The following ADAM12 variants were observed in gnomAD, a reference collection of about 807,000 sequenced individuals.
The protein encoded by ADAM12 is disintegrin and metalloproteinase domain-containing protein 12.
Under a neutral mutation model 106.4 loss-of-function variants are expected in ADAM12, and 70 were observed. The observed-to-expected ratio is 0.66, with a 90% CI of 0.54 to 0.80. The LOEUF (loss-of-function observed/expected upper bound fraction) is 0.80, where lower values mean the gene tolerates loss of function less well. Ranked by LOEUF, ADAM12 falls within the 30% of genes least tolerant of loss-of-function variation. The probability of loss-of-function intolerance (pLI) is 0.00; values close to 1 mark genes in which losing one functional copy is unlikely to be tolerated. For missense variants in ADAM12, 1,010 were observed against 1,171.9 expected, an observed-to-expected ratio of 0.86 and a Z score of 2.02; for synonymous variants, 420 against 433.5, an observed-to-expected ratio of 0.97 and a Z score of 0.39.
intron 3 of ADAM12, among the ~76,000 whole-genome samples, chr10:126,162,543 A>G (rs932774622): frequency 7.2e-5 from 11 of 152,142 alleles, no homozygotes; most frequent in Non-Finnish European, 1.3e-4. Flanking sequence ...AGAGCCGCCA[A>G]ACACGGAAGG....
At chr10:126,236,661 A>G (rs1482599317) in intron 3 of ADAM12, among the ~76,000 whole-genome samples, 2 of 151,636 alleles carry the variant, frequency 1.3e-5, no homozygotes, top group Admixed American at 6.6e-5. Flanking sequence ...CATAGGAAGG[A>G]GCACTCATAG....
rs138091831 is a variant in ADAM12, at chr10:126,201,077, T to G, written c.261-45772A>C. Among the ~76,000 whole-genome samples, 88 of 152,176 alleles carry G rather than the reference T, an allele frequency of 5.8e-4. No individual in the cohort carries two copies. The East Asian group carries it at 0.011, about 18-fold the overall frequency. The stretch of plus-strand genomic sequence containing the variant: ...AGCATCAGGCTAAAGTAGTCAGAAT[T>G]TCTTCCACAGGCCAAATGGTTATTG... On this transcript the variant is annotated intron_variant, in intron 3 of 22. Transcript: ENST00000448723.
chr10:126,332,782 G>A (rs150569440), intron 1 of ADAM12, among the ~76,000 whole-genome samples: 9 of 152,200 alleles, frequency 5.9e-5, no homozygotes, highest in South Asian at 4.1e-4. Context: ...TGTGAGGGAC[G>A]CATCGGCCGG....
intron 4 of ADAM12, among the ~76,000 whole-genome samples, chr10:126,152,372 A>C (rs1956743304): frequency 6.6e-6 from 1 of 152,066 alleles, no homozygotes. Context: ...TTTAAAAGTT[A>C]CATCTGGATT....
intron 1 of ADAM12, among the ~76,000 whole-genome samples, chr10:126,369,853 A>C (rs1004961136): frequency 6.6e-6 from 1 of 152,154 alleles, no homozygotes; most frequent in Non-Finnish European, 1.5e-5. Flanking sequence ...AGAATTAAGC[A>C]AGTCACTAGG....
intron 3 of ADAM12, among the ~76,000 whole-genome samples, chr10:126,194,165 A>C (rs757691219): frequency 6.6e-6 from 1 of 150,682 alleles, no homozygotes; most frequent in Non-Finnish European, 1.5e-5. Context: ...ACAGCGTGTT[A>C]TGTAAGTAAA....
chr10:126,076,083 C>T (rs1955094777), intron 11 of ADAM12, among the ~76,000 whole-genome samples: 1 of 152,186 alleles, frequency 6.6e-6, no homozygotes, highest in Admixed American at 6.5e-5. Context: ...CCCTCCCATC[C>T]TCCCCCATCT....
Position 126,038,278 on chromosome 10 carries a change from C to A in ADAM12, c.2312G>T (p.Gly771Val), listed in dbSNP as rs1339379132. 1.9e-6 allele frequency: 3 copies of A among 1,612,146 alleles called. No individual in the cohort carries two copies. Among genetic ancestry groups the A allele is most frequent in the Non-Finnish European group, 2.5e-6 (3 of 1,179,440 alleles). The stretch of plus-strand genomic sequence containing the variant: ...GGAATCTGGCGGCTTCCTCATCAGG[C>A]CTTTTCCAAGGTGGCCGAGGTGAGC... ...CQAHLGHLGK[G>V]LMRKPPDSYP... The change falls in exon 20 of 23, where the codon GGC becomes GTC. Residue 771 changes from glycine to valine, a missense_variant. By Grantham distance (109) the Gly-to-Val change is moderately radical. Coordinates refer to ENST00000448723, the MANE Select transcript of ADAM12 (RefSeq NM_001288973.2).
At chr10:126,056,343 G>A (rs1954630560) in intron 14 of ADAM12, among the ~76,000 whole-genome samples, 1 of 152,194 alleles carries the variant, frequency 6.6e-6, no homozygotes, top group Non-Finnish European at 1.5e-5. Flanking sequence ...GGCAGGCTAT[G>A]ATTTCATCAG....
rs376334126 is a variant in ADAM12 at position 126,340,557 on chromosome 10, A to C, written c.89-10048T>G. ...TCATAATCCTACTGTGTGATAAATA[A>C]ACACTCATGCTGATTAGGAAAACTT... is the stretch of plus-strand genomic sequence containing the variant. On this transcript the variant is annotated intron_variant, in intron 1 of 22. Coordinates refer to ENST00000448723, the MANE Select transcript of ADAM12 (RefSeq NM_001288973.2). Among the ~76,000 whole-genome samples the C allele has an allele frequency of 1.2e-4, 18 of 152,286 alleles. No individual in the cohort carries two copies. The East Asian group carries it at 1.9e-3, about 16-fold the overall frequency.
At chr10:126,208,670 A>G (rs543158688) in intron 3 of ADAM12, among the ~76,000 whole-genome samples, 1 of 152,318 alleles carries the variant, frequency 6.6e-6, no homozygotes, top group South Asian at 2.1e-4. Context: ...TTCAGGTAGA[A>G]GAGAATGGAA....
At chr10:126,136,579 C>T (rs770281815) in intron 4 of ADAM12, among the ~76,000 whole-genome samples, 10 of 152,200 alleles carry the variant, frequency 6.6e-5, no homozygotes, top group African/African-American at 1.4e-4. Context: ...CCTTCACACA[C>T]GACAACAGTC....
intron 4 of ADAM12, among the ~76,000 whole-genome samples, chr10:126,154,968 T>C (rs781317537): frequency 6.6e-6 from 1 of 152,190 alleles, no homozygotes; most frequent in Admixed American, 6.5e-5. Context: ...TGAGGATCCA[T>C]AGTCCTTGGA....
chr10:126,210,102 C>T (rs549784879), intron 3 of ADAM12, among the ~76,000 whole-genome samples: 1 of 152,280 alleles, frequency 6.6e-6, no homozygotes, highest in East Asian at 1.9e-4. Context: ...CCCATCTTTC[C>T]CCAACTGCCA....
intron 3 of ADAM12, among the ~76,000 whole-genome samples, chr10:126,190,990 C>T (rs4962512): frequency 0.9 from 61,036 of 67,672 alleles, 27,321 homozygotes; most frequent in Middle Eastern, 0.95. Flanking sequence ...GAGTTTTGTC[C>T]TTTTTTTTTT....
chr10:126,102,589 C>T (rs75240125), intron 8 of ADAM12, among the ~76,000 whole-genome samples: 2 of 152,210 alleles, frequency 1.3e-5, no homozygotes, highest in Non-Finnish European at 2.9e-5. Flanking sequence ...ATCTGGTGAG[C>T]ATTGGGTTAG....
chr10:126,308,955 G>A (rs909896111), intron 2 of ADAM12, among the ~76,000 whole-genome samples: 2 of 152,162 alleles, frequency 1.3e-5, no homozygotes, highest in South Asian at 4.1e-4. Context: ...TTATACAACT[G>A]AGTAGATATC....
At chr10:126,153,223 C>T (rs900973165) in intron 4 of ADAM12, among the ~76,000 whole-genome samples, 1 of 152,012 alleles carries the variant, frequency 6.6e-6, no homozygotes, top group African/African-American at 2.4e-5. Context: ...AATAATTTTC[C>T]CTTAGCTCTC....
chr10:126,339,307 G>C (rs1332276377), intron 1 of ADAM12, among the ~76,000 whole-genome samples: 1 of 152,128 alleles, frequency 6.6e-6, no homozygotes, highest in Non-Finnish European at 1.5e-5. Context: ...AATTCAACGT[G>C]TTTAAAAATC....
Sources: gnomAD v4.1 joint callset for allele counts (sites outside exome capture counted in the v4.1 genomes callset) on GRCh38, gnomAD v4.1.1 for gene constraint, MANE v1.5 for transcripts, NCBI Gene and HGNC (gene_info 2026-07-23, HGNC 2026-07-21) for gene names.